ZNF385D: variants seen among roughly 807,000 people sequenced by gnomAD.
ZNF385D encodes the protein zinc finger protein 385D.
A neutral mutation model predicts 35.8 loss-of-function variants in ZNF385D; 15 were observed. The observed-to-expected ratio is 0.42, with a 90% CI of 0.28 to 0.64. The LOEUF is 0.64. Among genes scored for constraint, ZNF385D ranks in the 30% least tolerant of loss-of-function variants. ZNF385D has a pLI of 0.23. For synonymous variants in ZNF385D, 212 were observed against 186.8 expected (o/e 1.13, Z -1.10); for missense variants, 474 against 494.6 (o/e 0.96, Z 0.39).
At chr3:22,290,682 C>T (rs1702255904) in intron 2 of ZNF385D, among the ~76,000 whole-genome samples, 1 of 152,118 alleles carries the variant, frequency 6.6e-6, no homozygotes, top group Non-Finnish European at 1.5e-5. Context: ...ACAAAGAACA[C>T]TTTCCAGTCC....
At chr3:22,268,405 T>C (rs1427811919) in intron 2 of ZNF385D, among the ~76,000 whole-genome samples, 4 of 152,046 alleles carry the variant, frequency 2.6e-5, no homozygotes, top group African/African-American at 4.8e-5. Context: ...TTGTTGATGT[T>C]ATACATGTTA....
intron 2 of ZNF385D, among the ~76,000 whole-genome samples, chr3:21,649,016 C>T (rs1208934117): frequency 1.3e-5 from 2 of 152,038 alleles, no homozygotes; most frequent in Non-Finnish European, 2.9e-5. Context: ...CAATACAAAC[C>T]TAGGACTCTG....
At chr3:22,292,807 C>A (rs1476876394) in intron 2 of ZNF385D, among the ~76,000 whole-genome samples, 1 of 151,992 alleles carries the variant, frequency 6.6e-6, no homozygotes, top group East Asian at 1.9e-4. Context: ...ACTTATATTA[C>A]TTTCTGGGGG....
At chr3:22,325,793 C>T (rs1282276411) in intron 2 of ZNF385D, among the ~76,000 whole-genome samples, 3 of 151,966 alleles carry the variant, frequency 2.0e-5, no homozygotes, top group Admixed American at 2.0e-4. Flanking sequence ...AGCCATCTTT[C>T]CTTCTCTTTG....
intron 3 of ZNF385D, among the ~76,000 whole-genome samples, chr3:21,760,938 T>A (rs1465346185): frequency 1.3e-5 from 2 of 152,220 alleles, no homozygotes; most frequent in Non-Finnish European, 2.9e-5. Flanking sequence ...CTGATCCGTG[T>A]AAACAGTAGA....
chr3:22,230,592 C>T (rs553939579), intron 2 of ZNF385D, among the ~76,000 whole-genome samples: 11 of 152,160 alleles, frequency 7.2e-5, no homozygotes, highest in South Asian at 2.1e-4. Context: ...GTTACTACCA[C>T]GAGTGGGGCC....
At chr3:22,298,439 T>C (rs1168656330) in intron 2 of ZNF385D, among the ~76,000 whole-genome samples, 2 of 138,756 alleles carry the variant, frequency 1.4e-5, no homozygotes. Flanking sequence ...TATATAAATA[T>C]ACATAAAATA....
At chr3:21,475,269 T>G (rs1357935751) in intron 4 of ZNF385D, among the ~76,000 whole-genome samples, 1 of 152,106 alleles carries the variant, frequency 6.6e-6, no homozygotes, top group Non-Finnish European at 1.5e-5. Flanking sequence ...ATAATTATAC[T>G]GGGAATTTCA....
Position 22,183,836 on chromosome 3 carries a change from GT to G in ZNF385D, c.107-14802del, listed in dbSNP as rs1229512626. 2.3e-3 allele frequency among the ~76,000 whole-genome samples: 333 copies of G among 145,762 alleles called. 2 individuals carry two copies. Among genetic ancestry groups the G allele is most frequent in the Middle Eastern group, 0.014 (4 of 282 alleles). ...TTTTTTCACCTTTTCTGTAGCTTTA[GT>G]TTTTTTTTTAAATTTAGTTTTCAAC... On this transcript the variant is annotated intron_variant, in intron 2 of 5. Transcript: ENST00000494108.
chr3:22,311,355 C>T (rs927540049), intron 2 of ZNF385D, among the ~76,000 whole-genome samples: 2 of 151,956 alleles, frequency 1.3e-5, no homozygotes, highest in Admixed American at 1.3e-4. Context: ...GGAATGCTTA[C>T]AAAAACTTCT....
At chr3:21,591,894 A>G (rs975595394) in intron 2 of ZNF385D, among the ~76,000 whole-genome samples, 1 of 152,120 alleles carries the variant, frequency 6.6e-6, no homozygotes, top group Admixed American at 6.6e-5. Flanking sequence ...CTACACTTCC[A>G]GCATATTTTT....
At chr3:21,882,809 TAG>T (rs1698347523) in intron 3 of ZNF385D, among the ~76,000 whole-genome samples, 1 of 152,026 alleles carries the variant, frequency 6.6e-6, no homozygotes, top group Non-Finnish European at 1.5e-5. Context: ...GCTAATTATG[TAG>T]AGTTTTTTTA....
chr3:22,196,934 A>G (rs1034363904), intron 2 of ZNF385D, among the ~76,000 whole-genome samples: 2 of 152,030 alleles, frequency 1.3e-5, no homozygotes, highest in African/African-American at 4.8e-5. Context: ...TTGCCCAAAA[A>G]TATCTTAAAG....
intron 2 of ZNF385D, among the ~76,000 whole-genome samples, chr3:22,253,552 G>T (rs1467358876): frequency 6.6e-6 from 1 of 151,858 alleles, no homozygotes; most frequent in Non-Finnish European, 1.5e-5. Flanking sequence ...TTGCCTAATG[G>T]TAAGACATGT....
chr3:21,682,937 G>C (rs1295444113), intron 1 of ZNF385D, among the ~76,000 whole-genome samples: 1 of 149,900 alleles, frequency 6.7e-6, no homozygotes, highest in Middle Eastern at 3.2e-3. Flanking sequence ...ACCAGCTGTT[G>C]TTGGCTGACC....
chr3:22,030,532 A>C (rs1697935280), intron 3 of ZNF385D, among the ~76,000 whole-genome samples: 1 of 151,534 alleles, frequency 6.6e-6, no homozygotes, highest in Non-Finnish European at 1.5e-5. Context: ...TCATTTTAAA[A>C]AACATCAGAT....
chr3:21,723,930 C>T (rs894014334), intron 1 of ZNF385D, among the ~76,000 whole-genome samples: 4 of 152,118 alleles, frequency 2.6e-5, no homozygotes, highest in African/African-American at 7.2e-5. Flanking sequence ...AAGGGAAGCC[C>T]ATCAGATTAA....
At chr3:21,651,131 A>T (rs1309976272) in intron 2 of ZNF385D, among the ~76,000 whole-genome samples, 1 of 151,280 alleles carries the variant, frequency 6.6e-6, no homozygotes, top group Admixed American at 6.6e-5. Context: ...TACAAAAAAA[A>T]AAAAAAATCA....
chr3:22,107,082 T>C (rs1259838175), intron 3 of ZNF385D, among the ~76,000 whole-genome samples: 2 of 148,644 alleles, frequency 1.3e-5, no homozygotes, highest in Non-Finnish European at 3.0e-5. Context: ...TGGAGTGCAA[T>C]GGAGTGATCT....
Sources: gnomAD v4.1 joint callset for allele counts (sites outside exome capture counted in the v4.1 genomes callset) on GRCh38, gnomAD v4.1.1 for gene constraint, MANE v1.5 for transcripts, NCBI Gene and HGNC (gene_info 2026-07-23, HGNC 2026-07-21) for gene names.